GRM8: variants seen among roughly 807,000 people sequenced by gnomAD.
The protein encoded by GRM8 is metabotropic glutamate receptor 8.
GRM8 carries 47 observed loss-of-function variants against 87.2 expected under a neutral mutation model. The observed-to-expected ratio is 0.54, with a 90% CI of 0.43 to 0.69. The LOEUF is 0.69. Among genes scored for constraint, GRM8 ranks in the 30% least tolerant of loss-of-function variants. The probability of loss-of-function intolerance (pLI) is 0.00; values close to 1 mark genes in which losing one functional copy is unlikely to be tolerated. For missense variants in GRM8, 1,019 were observed against 1,139.2 expected, an observed-to-expected ratio of 0.89 and a Z score of 1.52; for synonymous variants, 396 against 404.5, an observed-to-expected ratio of 0.98 and a Z score of 0.25.
chr7:127,181,211 G>A (rs1467867840), intron 2 of GRM8, among the ~76,000 whole-genome samples: 1 of 151,950 alleles, frequency 6.6e-6, no homozygotes, highest in Non-Finnish European at 1.5e-5. Context: ...CAAGCAAGCA[G>A]AGAATCAAAT....
chr7:126,482,639 G>T (rs79202205), intron 9 of GRM8, among the ~76,000 whole-genome samples: 1 of 151,894 alleles, frequency 6.6e-6, no homozygotes, highest in Admixed American at 6.6e-5. Context: ...GGGTCTGGGG[G>T]GAAGAGGAAT....
intron 6 of GRM8, among the ~76,000 whole-genome samples, chr7:126,846,977 G>T (rs1182968001): frequency 6.6e-6 from 1 of 152,058 alleles, no homozygotes; most frequent in Non-Finnish European, 1.5e-5. Context: ...CATAAGAAAG[G>T]CATGACTTAT....
At chr7:126,573,969 A>C (rs1794903513) in intron 8 of GRM8, among the ~76,000 whole-genome samples, 1 of 152,236 alleles carries the variant, frequency 6.6e-6, no homozygotes. Context: ...GTAGTTATTA[A>C]CAAAAATACT....
chr7:126,697,012 T>C (rs1286423831), intron 7 of GRM8, among the ~76,000 whole-genome samples: 2 of 151,246 alleles, frequency 1.3e-5, no homozygotes, highest in African/African-American at 2.4e-5. Flanking sequence ...AAATGCATAA[T>C]ATATACAAAA....
Position 126,614,743 on chromosome 7 carries a change from C to T in GRM8, c.1358-5245G>A, listed in dbSNP as rs188827907. On this transcript the variant is annotated intron_variant, in intron 7 of 10. Coordinates refer to ENST00000339582, the MANE Select transcript of GRM8 (RefSeq NM_000845.3). Reference sequence around the variant, plus strand: ...GTGATGAATGCACAAGCTTCAGTAGCTGATTTGATCAACTGGAAGAAAGGG... The same window carrying T: ...GTGATGAATGCACAAGCTTCAGTAGTTGATTTGATCAACTGGAAGAAAGGG... Among the ~76,000 whole-genome samples the T allele has an allele frequency of 5.8e-3, 878 of 152,284 alleles. 6 individuals carry two copies. Among genetic ancestry groups the T allele is most frequent in the African/African-American group, 0.02 (844 of 41,538 alleles).
intron 8 of GRM8, among the ~76,000 whole-genome samples, chr7:126,563,027 G>A (rs8180791): frequency 0.31 from 47,028 of 152,144 alleles, 8,151 homozygotes; most frequent in East Asian, 0.44. Flanking sequence ...TTTCCGTACT[G>A]CCCATTGTAC....
chr7:126,522,503 T>G lies in GRM8; in HGVS notation c.2430+10449A>C, dbSNP rs532873456. ...CCCAATTATCTGACTATCCTTGTTT[T>G]ATAGTAATCATATAATTTTTCGCCC... On this transcript the variant is annotated intron_variant, in intron 9 of 10. Transcript: ENST00000339582. 3.3e-4 allele frequency among the ~76,000 whole-genome samples: 50 copies of G among 152,338 alleles called. No individual in the cohort carries two copies. The Middle Eastern group carries it at 0.017, about 52-fold the overall frequency.
At chr7:126,869,812 T>A in intron 6 of GRM8, 1 of 152,052 alleles carries the variant, frequency 6.6e-6, no homozygotes, top group East Asian at 1.9e-4. Context: ...GCCCTATGAT[T>A]TTCAGAATGG....
intron 7 of GRM8, among the ~76,000 whole-genome samples, chr7:126,769,478 T>A (rs950313877): frequency 2.0e-5 from 3 of 152,106 alleles, no homozygotes; most frequent in Admixed American, 2.0e-4. Flanking sequence ...AACCTACTGT[T>A]TCAAAAGCTT....
intron 2 of GRM8, among the ~76,000 whole-genome samples, chr7:127,167,032 T>C (rs561972548): frequency 1.3e-5 from 2 of 152,176 alleles, no homozygotes; most frequent in African/African-American, 4.8e-5. Flanking sequence ...TCACTAAGAG[T>C]AGGAAATCAC....
At chr7:126,730,397 G>C (rs1425355381) in intron 7 of GRM8, among the ~76,000 whole-genome samples, 1 of 152,158 alleles carries the variant, frequency 6.6e-6, no homozygotes, top group East Asian at 1.9e-4. Context: ...AGATGCTCAA[G>C]GTCAATTTTT....
chr7:126,888,456 T>C (rs1294374610), intron 6 of GRM8, among the ~76,000 whole-genome samples: 1 of 152,160 alleles, frequency 6.6e-6, no homozygotes, highest in Non-Finnish European at 1.5e-5. Context: ...GCCTGACAGG[T>C]GACACTCAGC....
chr7:127,187,199 T>G (rs1794783880), intron 2 of GRM8, among the ~76,000 whole-genome samples: 1 of 152,132 alleles, frequency 6.6e-6, no homozygotes, highest in Non-Finnish European at 1.5e-5. Flanking sequence ...ACTGCCTTCT[T>G]CCTAGTGGTA....
At chr7:126,972,978 G>A (rs900651402) in intron 3 of GRM8, among the ~76,000 whole-genome samples, 7 of 152,156 alleles carry the variant, frequency 4.6e-5, no homozygotes, top group African/African-American at 1.7e-4. Flanking sequence ...TTGCAAATAT[G>A]GCATTATCTT....
In GRM8 at chr7:127,196,522, C is replaced by A. The variant is rs1209744192; in HGVS notation, c.510+46173G>T. On this transcript the variant is annotated intron_variant, in intron 2 of 10. Transcript: ENST00000339582. ...ACAGAGCAAGACTCCATCTCAAAAACAAACAAACAAACAAAAAAAAAAACA... is the reference window on the plus strand; with the variant it reads ...ACAGAGCAAGACTCCATCTCAAAAAAAAACAAACAAACAAAAAAAAAAACA... Among the ~76,000 whole-genome samples the A allele has an allele frequency of 2.2e-5, 3 of 137,616 alleles. No homozygotes were observed. In the South Asian group the frequency reaches 7.6e-4, roughly 35 times the overall value. The allele number at this position is 137,616 out of a possible 152,430, so 90.3% of individuals were successfully genotyped here. A position where few individuals can be genotyped will look rare whatever the true frequency, so the allele number is the denominator to read the frequency against.
intron 6 of GRM8, among the ~76,000 whole-genome samples, chr7:126,894,652 T>C (rs1367313630): frequency 6.6e-6 from 1 of 152,058 alleles, no homozygotes; most frequent in East Asian, 1.9e-4. Flanking sequence ...AAAGAGGGAA[T>C]ACTTCACCTT....
intron 8 of GRM8, among the ~76,000 whole-genome samples, chr7:126,579,243 AGTTGAATTTTGTTTTCT>A (rs1795387037): frequency 6.6e-6 from 1 of 152,202 alleles, no homozygotes; most frequent in African/African-American, 2.4e-5. Flanking sequence ...AAAAGGACAA[AGTTGAATTTTGTTTTCT>A]GTTCTTTTCA....
At chr7:127,105,282 T>A (rs535503978) in intron 3 of GRM8, 1 of 152,352 alleles carries the variant, frequency 6.6e-6, no homozygotes, top group South Asian at 2.1e-4. Flanking sequence ...GATTATGGCA[T>A]AATGCACACT....
chr7:126,644,765 T>C (rs1161729644), intron 7 of GRM8, among the ~76,000 whole-genome samples: 1 of 152,228 alleles, frequency 6.6e-6, no homozygotes, highest in Non-Finnish European at 1.5e-5. Context: ...TTGTCTGCAG[T>C]GACAACCATG....
Sources: allele counts gnomAD v4.1 joint callset (sites outside exome capture counted in the v4.1 genomes callset), GRCh38; gene constraint gnomAD v4.1.1; transcripts MANE v1.5; gene names NCBI Gene and HGNC (gene_info 2026-07-23, HGNC 2026-07-21).